The following SMAD7 variants were observed in gnomAD, a reference collection of about 807,000 sequenced individuals.
SMAD7 encodes the protein SMAD family member 7, also known as MAD (mothers against decapentaplegic, Drosophila) homolog 7.
In SMAD7, 8 loss-of-function variants were observed where a neutral mutation model predicts 38.7. The observed-to-expected ratio is 0.21, with a 90% confidence interval of 0.12 to 0.37. SMAD7 has a LOEUF of 0.37. Among genes scored for constraint, SMAD7 ranks in the 10% least tolerant of loss-of-function variants. The pLI, the probability that SMAD7 is intolerant of heterozygous loss-of-function variation, is 1.00. For missense variants in SMAD7, 477 were observed against 577.9 expected (o/e 0.83, Z 1.79); for synonymous variants, 327 against 265.1 (o/e 1.23, Z -2.27).
At chr18:48,935,598 G>T (rs540038206) in intron 3 of SMAD7, among the ~76,000 whole-genome samples, 27 of 152,332 alleles carry the variant, frequency 1.8e-4, no homozygotes, top group South Asian at 1.0e-3. Context: ...ATCCTGGTTC[G>T]CAGTCACTGG....
intron 1 of SMAD7, 69 bp downstream of exon 1, chr18:48,949,743 T>G: frequency 6.8e-7 from 1 of 1,471,856 alleles, no homozygotes; most frequent in Non-Finnish European, 9.1e-7. Flanking sequence ...ACAAACGCAC[T>G]GCCCTAGGGG....
chr18:48,938,824 C>T (rs951232676), intron 3 of SMAD7, among the ~76,000 whole-genome samples: 3 of 152,180 alleles, frequency 2.0e-5, no homozygotes, highest in Non-Finnish European at 4.4e-5. Context: ...CTAGAGGCTT[C>T]CCAGCTACAT....
chr18:48,925,799 T>C (rs1442133216), intron 3 of SMAD7, among the ~76,000 whole-genome samples: 2 of 151,838 alleles, frequency 1.3e-5, no homozygotes, highest in Admixed American at 1.3e-4. Flanking sequence ...CAGGCTGGAG[T>C]GCAGTGGCAC....
chr18:48,922,967 G>T (rs1396811115), intron 3 of SMAD7, among the ~76,000 whole-genome samples: 3 of 152,194 alleles, frequency 2.0e-5, no homozygotes, highest in African/African-American at 4.8e-5. Flanking sequence ...CACACGGAGG[G>T]AAAGGGAGCC....
rs988009729 is a variant in SMAD7, at chr18:48,920,010, T to A, written c.*1362A>T. ...CATTTATATTAAAGCAAAGTGCATC[T>A]TTTCTTTATTTTTCTTGTTTATACA... On this transcript the variant is annotated 3_prime_UTR_variant, in exon 4 of 4. Coordinates refer to ENST00000262158, the MANE Select transcript of SMAD7 (RefSeq NM_005904.4). The A allele has an allele frequency of 2.0e-5, 3 of 152,636 alleles. No individual in the cohort carries two copies. Among genetic ancestry groups the A allele is most frequent in the Non-Finnish European group, 4.4e-5 (3 of 68,038 alleles). The allele number at this position is 152,636 out of a possible 1,614,324, so 9.5% of individuals were successfully genotyped here. A position where few individuals can be genotyped will look rare whatever the true frequency, so the allele number is the denominator to read the frequency against.
intron 3 of SMAD7, among the ~76,000 whole-genome samples, chr18:48,931,233 G>A (rs1290637819): frequency 6.6e-6 from 1 of 152,166 alleles, no homozygotes; most frequent in Non-Finnish European, 1.5e-5. Flanking sequence ...TTCTGGATGT[G>A]GACGGTGGGG....
At chr18:48,936,851 G>A (rs371331591) in intron 3 of SMAD7, among the ~76,000 whole-genome samples, 3 of 152,136 alleles carry the variant, frequency 2.0e-5, no homozygotes, top group Non-Finnish European at 4.4e-5. Context: ...AGGCCAAGGC[G>A]GGCGGATCAC....
intron 3 of SMAD7, among the ~76,000 whole-genome samples, chr18:48,924,363 T>C (rs2143758080): frequency 6.6e-6 from 1 of 151,940 alleles, no homozygotes; most frequent in South Asian, 2.1e-4. Context: ...GAGATCGAGG[T>C]GCCCCCATGC....
intron 1 of SMAD7, 41 bp downstream of exon 1, chr18:48,949,771 G>T: frequency 6.5e-7 from 1 of 1,530,814 alleles, no homozygotes; most frequent in Admixed American, 2.0e-5. Context: ...TCCAGCACTG[G>T]CGCTCCGGAA....
rs2069851841 is a variant in SMAD7 at position 48,921,046 on chromosome 18, A to C, written c.*326T>G. 1.1e-5 allele frequency: 4 copies of C among 349,564 alleles called. No individual in the cohort carries two copies. Among genetic ancestry groups the C allele is most frequent in the Admixed American group, 9.1e-5 (2 of 21,954 alleles). The allele number at this position is 349,564 out of a possible 1,614,324, so 21.7% of individuals were successfully genotyped here. On this transcript the variant is annotated 3_prime_UTR_variant, in exon 4 of 4. Transcript: ENST00000262158. The surrounding 1 kb of genome is among the most constrained non-coding windows in gnomAD (Gnocchi z 6.4). ...CTCACACTCACACACACTCCTGACAAGTGAAATGATGACCGCCCCCCTTCA... is the reference window on the plus strand; with the variant it reads ...CTCACACTCACACACACTCCTGACACGTGAAATGATGACCGCCCCCCTTCA...
At chr18:48,939,346 T>C (rs2143800155) in intron 3 of SMAD7, among the ~76,000 whole-genome samples, 1 of 151,848 alleles carries the variant, frequency 6.6e-6, no homozygotes, top group South Asian at 2.1e-4. Context: ...TCACTGCAAG[T>C]CCCTAACGAC....
chr18:48,936,939 G>C (rs2070074209), intron 3 of SMAD7, among the ~76,000 whole-genome samples: 1 of 152,000 alleles, frequency 6.6e-6, no homozygotes, highest in African/African-American at 2.4e-5. Context: ...AAATTAGCCG[G>C]GCGTGGTGGT....
intron 3 of SMAD7, among the ~76,000 whole-genome samples, chr18:48,925,491 G>T (rs1235652045): frequency 6.6e-6 from 1 of 152,142 alleles, no homozygotes; most frequent in Non-Finnish European, 1.5e-5. Flanking sequence ...TAAAGGGAAG[G>T]GGGAGGTGGG....
At chr18:48,922,651 G>A (rs768696750) in intron 3 of SMAD7, among the ~76,000 whole-genome samples, 2 of 152,134 alleles carry the variant, frequency 1.3e-5, no homozygotes, top group Admixed American at 6.5e-5. Context: ...CATGCAGACC[G>A]GTATTAACCC....
chr18:48,929,332 C>T (rs372243708), intron 3 of SMAD7, among the ~76,000 whole-genome samples: 1 of 152,058 alleles, frequency 6.6e-6, no homozygotes, highest in East Asian at 1.9e-4. Context: ...GACCCTGGCA[C>T]CCCCAGGAAG....
rs773965334 is a variant in SMAD7 at position 48,948,411 on chromosome 18, A to G, written c.640T>C (p.Tyr214His). The part of the protein sequence containing the change: ...LESPPPPYSR[Y>H]PMDFLKPTAD... ...GTTGGTTTGAGAAAATCCATCGGGT[A>G]TCTGGAGTAAGGAGGGGGGGGAGAC... The change falls in exon 2 of 4, where the codon TAC becomes CAC. Residue 214 changes from tyrosine (Y) to histidine (H), a missense_variant. By Grantham distance (83) the Tyr-to-His change is moderately conservative. Transcript: ENST00000262158. 1.4e-5 allele frequency: 22 copies of G among 1,602,480 alleles called. No homozygotes were observed. Among genetic ancestry groups the G allele is most frequent in the South Asian group, 3.4e-5 (3 of 88,980 alleles).
intron 3 of SMAD7, among the ~76,000 whole-genome samples, chr18:48,935,817 G>A (rs148715473): frequency 1.6e-3 from 242 of 152,248 alleles, no homozygotes; most frequent in African/African-American, 5.5e-3. Flanking sequence ...GGTGGTACAC[G>A]CCTATAATCC....
Position 48,949,210 on chromosome 18 carries a change from G to C in SMAD7, c.613+602C>G, listed in dbSNP as rs535785270. 2.6e-4 allele frequency: 222 copies of C among 853,180 alleles called. No homozygotes were observed. The African/African-American group carries it at 3.5e-3, about 14-fold the overall frequency. The allele number at this position is 853,180 out of a possible 1,614,324, so 52.9% of individuals were successfully genotyped here. ...TCCTCTGCACCCTGGGGCTGGCAGA[G>C]TTGAAAGGAGACAGATACCCAGTTC... On this transcript the variant is annotated intron_variant, in intron 1 of 3. Transcript: ENST00000262158.
chr18:48,939,510 C>A (rs1436159673), intron 3 of SMAD7, among the ~76,000 whole-genome samples: 2 of 151,944 alleles, frequency 1.3e-5, no homozygotes, highest in African/African-American at 2.4e-5. Flanking sequence ...AAGGGAAGGG[C>A]CAGCCTTGGA....
Sources: allele counts gnomAD v4.1 joint callset (sites outside exome capture counted in the v4.1 genomes callset), GRCh38; gene constraint gnomAD v4.1.1; non-coding constraint Gnocchi (gnomAD v3.1); transcripts MANE v1.5; gene names NCBI Gene and HGNC (gene_info 2026-07-23, HGNC 2026-07-21).